The following NEXMIF variants were observed in gnomAD, a reference collection of about 807,000 sequenced individuals.
The protein encoded by NEXMIF is neurite extension and migration factor, also known as XLMR protein related to neurite extension.
A neutral mutation model predicts 62.1 loss-of-function variants in NEXMIF; 8 were observed. The observed-to-expected ratio is 0.13, with a 90% confidence interval of 0.08 to 0.23. The LOEUF (loss-of-function observed/expected upper bound fraction) is 0.23. NEXMIF is among the 10% of genes least tolerant of loss of function. The probability of loss-of-function intolerance (pLI) is 1.00; values close to 1 mark genes in which losing one functional copy is unlikely to be tolerated. For missense variants in NEXMIF, 976 were observed against 1,113.3 expected (o/e 0.88, Z 1.75); for synonymous variants, 404 against 416.6 (o/e 0.97, Z 0.37).
chrX:74,850,725 C>T (rs1269296574), intron 1 of NEXMIF, among the ~76,000 whole-genome samples: 1 of 110,862 alleles, frequency 9.0e-6, no homozygotes, highest in East Asian at 2.8e-4. Context: ...AAAAGTCCTC[C>T]CGTATGAAAG....
At chrX:74,899,221 G>C (rs1348313007) in intron 1 of NEXMIF, among the ~76,000 whole-genome samples, 1 of 111,510 alleles carries the variant, frequency 9.0e-6, no homozygotes, top group African/African-American at 3.3e-5. Flanking sequence ...GGAAGTTCTA[G>C]CCAGAAAAAT....
At chrX:74,782,332 C>G (rs1291781050) in intron 1 of NEXMIF, among the ~76,000 whole-genome samples, 1 of 111,685 alleles carries the variant, frequency 9.0e-6, no homozygotes, top group Non-Finnish European at 1.9e-5. Context: ...AATTTGGCAA[C>G]TAACATTAAA....
chrX:74,780,424 T>C (rs2080242908), intron 1 of NEXMIF, among the ~76,000 whole-genome samples: 2 of 108,716 alleles, frequency 1.8e-5, no homozygotes, highest in African/African-American at 3.4e-5. Flanking sequence ...TCACCCAGGC[T>C]GGAGTGCAGT....
intron 1 of NEXMIF, among the ~76,000 whole-genome samples, chrX:74,829,527 T>C (rs1569351211): frequency 8.9e-6 from 1 of 112,140 alleles, no homozygotes. Context: ...AGTGCAGATA[T>C]CACTTTGATA....
chrX:74,915,248 G>A (rs770748754), intron 1 of NEXMIF, among the ~76,000 whole-genome samples: 1 of 111,461 alleles, frequency 9.0e-6, no homozygotes, highest in Non-Finnish European at 1.9e-5. Flanking sequence ...ATCAGCCTGG[G>A]CAACACAGTA....
intron 1 of NEXMIF, among the ~76,000 whole-genome samples, chrX:74,821,939 C>CGAGGTTTTGCCACG (rs1190126617): frequency 7.2e-5 from 8 of 111,127 alleles, no homozygotes; most frequent in Non-Finnish European, 1.5e-4. Context: ...TTTGTAGAGA[C>CGAGGTTTTGCCACG]GAGGTTTTGC....
intron 1 of NEXMIF, among the ~76,000 whole-genome samples, chrX:74,892,884 G>A: frequency 8.9e-6 from 1 of 112,186 alleles, no homozygotes; most frequent in East Asian, 2.8e-4. Flanking sequence ...ACGAATTAGA[G>A]TATTTTTGAG....
intron 1 of NEXMIF, among the ~76,000 whole-genome samples, chrX:74,824,762 C>T (rs1311390160): frequency 9.1e-6 from 1 of 109,605 alleles, no homozygotes; most frequent in Non-Finnish European, 1.9e-5. Flanking sequence ...CATTCTCCTG[C>T]CTCAGCCTCC....
intron 1 of NEXMIF, among the ~76,000 whole-genome samples, chrX:74,796,177 A>ATG (rs1308046612): frequency 4.1e-5 from 3 of 73,522 alleles, no homozygotes; most frequent in East Asian, 3.9e-4. Context: ...TATATTATAT[A>ATG]TATACATATA....
At chrX:74,784,962 C>T (rs1316635172) in intron 1 of NEXMIF, among the ~76,000 whole-genome samples, 1 of 111,422 alleles carries the variant, frequency 9.0e-6, no homozygotes, top group East Asian at 2.8e-4. Flanking sequence ...AAGTACGCTT[C>T]CCCGGCAGAA....
chrX:74,764,806 G>T (rs752211633), intron 1 of NEXMIF, among the ~76,000 whole-genome samples: 13 of 111,355 alleles, frequency 1.2e-4, no homozygotes, highest in Admixed American at 1.9e-4. Flanking sequence ...TATGATTTTG[G>T]TTCTTTTGCC....
intron 1 of NEXMIF, among the ~76,000 whole-genome samples, chrX:74,763,798 T>C (rs928121630): frequency 4.5e-5 from 5 of 112,003 alleles, no homozygotes; most frequent in African/African-American, 1.6e-4. Flanking sequence ...AGAATGCTTA[T>C]AATTTTTGCA....
chrX:74,751,286 G>T (rs1242200688), intron 1 of NEXMIF, among the ~76,000 whole-genome samples: 2 of 111,222 alleles, frequency 1.8e-5, no homozygotes, highest in African/African-American at 6.5e-5. Context: ...TAGAAGAGGG[G>T]ATACTGTATA....
At chrX:74,829,556 A>G (rs962096146) in intron 1 of NEXMIF, among the ~76,000 whole-genome samples, 6 of 111,893 alleles carry the variant, frequency 5.4e-5, no homozygotes, top group Non-Finnish European at 1.1e-4. Context: ...TCCTTTCTTT[A>G]GGGTATATAC....
intron 1 of NEXMIF, among the ~76,000 whole-genome samples, chrX:74,806,936 G>A (rs946201561): frequency 1.8e-5 from 2 of 112,667 alleles, no homozygotes; most frequent in African/African-American, 6.4e-5. Context: ...ACAACGTTTT[G>A]ATTACTGTAG....
chrX:74,818,837 C>T (rs532537892), intron 1 of NEXMIF, among the ~76,000 whole-genome samples: 2 of 111,868 alleles, frequency 1.8e-5, no homozygotes, highest in South Asian at 7.5e-4. Flanking sequence ...ATGTGGCCAA[C>T]AAGCATATGA....
chrX:74,877,126 G>A (rs1417611626), intron 1 of NEXMIF, among the ~76,000 whole-genome samples: 3 of 111,754 alleles, frequency 2.7e-5, no homozygotes, highest in Non-Finnish European at 5.6e-5. Context: ...GCAGCAGCTG[G>A]TACAGGTCGT....
At chrX:74,744,503 G>A (rs779493154) in intron 2 of NEXMIF, 26 bp from the exon 3 acceptor site, 2 of 1,107,680 alleles carry the variant, frequency 1.8e-6, no homozygotes, top group Admixed American at 2.8e-5. Context: ...AGAAATGACA[G>A]GAATAAAATT....
intron 2 of NEXMIF, among the ~76,000 whole-genome samples, chrX:74,744,922 C>T (rs1050376812): frequency 5.3e-5 from 1 of 18,811 alleles, no homozygotes; most frequent in Non-Finnish European, 1.7e-4. Flanking sequence ...TCTCTCTCTT[C>T]TCTCTCTCCT....
Sources: allele counts gnomAD v4.1 joint callset (sites outside exome capture counted in the v4.1 genomes callset), GRCh38; gene constraint gnomAD v4.1.1; transcripts MANE v1.5; gene names NCBI Gene and HGNC (gene_info 2026-07-23, HGNC 2026-07-21).